MACROD2: variants seen among roughly 807,000 people sequenced by gnomAD.
The protein encoded by MACROD2 is mono-ADP ribosylhydrolase 2.
A neutral mutation model predicts 70.4 loss-of-function variants in MACROD2; 36 were observed. The observed-to-expected ratio is 0.51, with a 90% CI of 0.39 to 0.68. MACROD2 has a LOEUF of 0.68. Ranked by LOEUF, MACROD2 falls within the 30% of genes least tolerant of loss-of-function variation. The probability of loss-of-function intolerance (pLI) is 0.00; values close to 1 mark genes in which losing one functional copy is unlikely to be tolerated. For missense variants in MACROD2, 496 were observed against 538.4 expected, an observed-to-expected ratio of 0.92 and a Z score of 0.78; for synonymous variants, 172 against 178.8, an observed-to-expected ratio of 0.96 and a Z score of 0.30.
chr20:15,585,341 C>T (rs537500851), intron 8 of MACROD2, among the ~76,000 whole-genome samples: 13 of 152,100 alleles, frequency 8.5e-5, no homozygotes, highest in African/African-American at 3.1e-4. Context: ...GGATTACAGG[C>T]ATGCAGCATT....
chr20:15,210,550 CTG>C (rs1266312615), intron 5 of MACROD2, among the ~76,000 whole-genome samples: 1 of 92,940 alleles, frequency 1.1e-5, no homozygotes, highest in Non-Finnish European at 2.2e-5. Flanking sequence ...TTCTTTTCTT[CTG>C]TTTTTTTTTT....
chr20:14,357,555 G>A (rs1004170166), intron 3 of MACROD2, among the ~76,000 whole-genome samples: 1 of 152,134 alleles, frequency 6.6e-6, no homozygotes, highest in South Asian at 2.1e-4. Context: ...TAGAATGAAA[G>A]AAAAGAAAGA....
chr20:14,465,859 G>A (rs1054554331), intron 3 of MACROD2, among the ~76,000 whole-genome samples: 1 of 152,052 alleles, frequency 6.6e-6, no homozygotes, highest in Non-Finnish European at 1.5e-5. Context: ...TTGAATAGTG[G>A]CCCCCACTCT....
At chr20:14,835,497 A>G (rs556899334) in intron 5 of MACROD2, among the ~76,000 whole-genome samples, 1 of 152,066 alleles carries the variant, frequency 6.6e-6, no homozygotes. Flanking sequence ...AAGTTGGGAC[A>G]TTCAGTCCTT....
intron 6 of MACROD2, among the ~76,000 whole-genome samples, chr20:15,402,238 C>A (rs1340599451): frequency 1.3e-5 from 2 of 152,168 alleles, no homozygotes; most frequent in East Asian, 3.9e-4. Flanking sequence ...TATAGATACT[C>A]ATCCTTGGAA....
At chr20:15,843,484 C>A (rs1398427388) in intron 8 of MACROD2, among the ~76,000 whole-genome samples, 3 of 152,132 alleles carry the variant, frequency 2.0e-5, no homozygotes, top group African/African-American at 7.2e-5. Context: ...GTGACTTCTG[C>A]TAAATAAATA....
At chr20:14,218,434 ATAGT>A (rs781411618) in intron 3 of MACROD2, among the ~76,000 whole-genome samples, 6 of 152,142 alleles carry the variant, frequency 3.9e-5, no homozygotes, top group Admixed American at 1.3e-4. Flanking sequence ...AAGGAAGCAG[ATAGT>A]TGGTTGGTGA....
intron 3 of MACROD2, among the ~76,000 whole-genome samples, chr20:14,492,726 A>G (rs983168955): frequency 7.2e-5 from 11 of 152,192 alleles, no homozygotes; most frequent in African/African-American, 2.7e-4. Context: ...TCTATGGAAT[A>G]AAGCTCAGTA....
intron 8 of MACROD2, among the ~76,000 whole-genome samples, chr20:15,636,089 A>AAAAAAAAAAAAAAAG (rs1459679844): frequency 2.1e-4 from 29 of 135,012 alleles, no homozygotes; most frequent in East Asian, 4.9e-4. Flanking sequence ...AAAAAAAAAA[A>AAAAAAAAAAAAAAAG]AAAGAAAGAA....
intron 3 of MACROD2, among the ~76,000 whole-genome samples, chr20:14,239,357 G>C (rs775697428): frequency 7.9e-5 from 12 of 152,126 alleles, no homozygotes; most frequent in Non-Finnish European, 1.8e-4. Context: ...ATTCTTCAAC[G>C]AATTAGAGAA....
At chr20:14,461,217 G>T (rs918027748) in intron 3 of MACROD2, among the ~76,000 whole-genome samples, 2 of 152,026 alleles carry the variant, frequency 1.3e-5, no homozygotes, top group South Asian at 4.2e-4. Flanking sequence ...TTGCATAGAG[G>T]TATTTATAGT....
At chr20:14,992,909 C>T (rs1019736389) in intron 5 of MACROD2, among the ~76,000 whole-genome samples, 6 of 152,040 alleles carry the variant, frequency 3.9e-5, no homozygotes, top group East Asian at 1.9e-4. Context: ...TTTCTAGGCT[C>T]TAATCCTGTG....
chr20:15,025,798 A>T lies in MACROD2; in HGVS notation c.419-204142A>T, dbSNP rs113964109. Reference sequence around the variant, plus strand: ...AGATGCCATTGGCACCTCCCAACCAAAACTGTGCCCAGATCTTGTCAAATG... The same window carrying T: ...AGATGCCATTGGCACCTCCCAACCATAACTGTGCCCAGATCTTGTCAAATG... On this transcript the variant is annotated intron_variant, in intron 5 of 17. Coordinates refer to ENST00000684519, the MANE Select transcript of MACROD2 (RefSeq NM_001351661.2). 2.5e-3 allele frequency among the ~76,000 whole-genome samples: 385 copies of T among 152,208 alleles called. 1 individual carries two copies. The highest frequency in any genetic ancestry group is 4.8e-3 in the Non-Finnish European group (327 of 67,994).
intron 3 of MACROD2, among the ~76,000 whole-genome samples, chr20:14,398,406 ATT>A (rs71190136): frequency 0.15 from 21,280 of 142,506 alleles, 1,976 homozygotes; most frequent in Non-Finnish European, 0.21. Context: ...CCTTGCCAGC[ATT>A]TTTTTTTTTT....
At chr20:15,722,460 CAAATT>C (rs926643198) in intron 8 of MACROD2, among the ~76,000 whole-genome samples, 1 of 152,122 alleles carries the variant, frequency 6.6e-6, no homozygotes, top group African/African-American at 2.4e-5. Context: ...TTGGCATTCT[CAAATT>C]ACTACTGAGT....
At chr20:14,918,609 TTTTTTTTG>T (rs991022368) in intron 5 of MACROD2, among the ~76,000 whole-genome samples, 10 of 128,166 alleles carry the variant, frequency 7.8e-5, no homozygotes, top group African/African-American at 3.1e-4. Context: ...TGACACTGTG[TTTTTTTTG>T]TTTTTTTTTT....
At chr20:15,620,040 G>A (rs1232123458) in intron 8 of MACROD2, among the ~76,000 whole-genome samples, 5 of 152,196 alleles carry the variant, frequency 3.3e-5, no homozygotes, top group South Asian at 2.1e-4. Flanking sequence ...GTAGGAGACT[G>A]CCGTTGTGAT....
intron 4 of MACROD2, among the ~76,000 whole-genome samples, chr20:14,573,064 T>C (rs542343043): frequency 4.9e-4 from 74 of 151,556 alleles, no homozygotes; most frequent in African/African-American, 1.7e-3. Context: ...GCCTTTTTTT[T>C]CCCTTTTGCA....
At chr20:15,880,943 T>C (rs946312336) in intron 9 of MACROD2, among the ~76,000 whole-genome samples, 2 of 152,138 alleles carry the variant, frequency 1.3e-5, no homozygotes, top group Admixed American at 6.6e-5. Context: ...AATGCCTTCA[T>C]AGACCTTCTC....
Sources: gnomAD v4.1 joint callset for allele counts (sites outside exome capture counted in the v4.1 genomes callset) on GRCh38, gnomAD v4.1.1 for gene constraint, MANE v1.5 for transcripts, NCBI Gene and HGNC (gene_info 2026-07-23, HGNC 2026-07-21) for gene names.